The following IL1RAPL2 variants were observed in gnomAD, a reference collection of about 807,000 sequenced individuals.
The protein encoded by IL1RAPL2 is X-linked interleukin-1 receptor accessory protein-like 2.
IL1RAPL2 carries 3 observed loss-of-function variants against 44.1 expected under a neutral mutation model. The ratio of observed to expected loss-of-function variants is 0.07; its 90% CI spans 0.03 to 0.18. The LOEUF is 0.18. Among genes scored for constraint, IL1RAPL2 ranks in the 10% least tolerant of loss-of-function variants. The pLI is 1.00. For synonymous variants in IL1RAPL2, 181 were observed against 178.8 expected, an observed-to-expected ratio of 1.01 and a Z score of -0.10; for missense variants, 391 against 496.4, an observed-to-expected ratio of 0.79 and a Z score of 2.02.
chrX:104,670,553 C>T (rs1452824288), intron 2 of IL1RAPL2, among the ~76,000 whole-genome samples: 3 of 105,696 alleles, frequency 2.8e-5, no homozygotes, highest in African/African-American at 1.0e-4. Flanking sequence ...CAAGTTGATA[C>T]CTAATATTAA....
intron 2 of IL1RAPL2, among the ~76,000 whole-genome samples, chrX:105,063,417 T>C (rs368680413): frequency 4.5e-5 from 5 of 112,143 alleles, no homozygotes; most frequent in African/African-American, 1.6e-4. Flanking sequence ...TAGTGCCTTA[T>C]TTATTTAGTT....
chrX:105,073,623 G>A (rs1314083329), intron 2 of IL1RAPL2, among the ~76,000 whole-genome samples: 2 of 111,276 alleles, frequency 1.8e-5, no homozygotes, highest in African/African-American at 6.5e-5. Context: ...TCACCACACC[G>A]ACTTCCACAA....
intron 1 of IL1RAPL2, among the ~76,000 whole-genome samples, chrX:104,591,178 TCTG>T (rs1321677768): frequency 8.9e-6 from 1 of 111,839 alleles, no homozygotes; most frequent in East Asian, 2.8e-4. Flanking sequence ...GCCTGGTTGA[TCTG>T]CTTCCTTTCG....
intron 6 of IL1RAPL2, among the ~76,000 whole-genome samples, chrX:105,517,564 A>G: frequency 9.0e-6 from 1 of 111,228 alleles, no homozygotes; most frequent in Non-Finnish European, 1.9e-5. Flanking sequence ...CTATTAGGAC[A>G]CCTTTTCTAC....
chrX:104,757,853 A>G (rs1932365716), intron 2 of IL1RAPL2, among the ~76,000 whole-genome samples: 1 of 112,017 alleles, frequency 8.9e-6, no homozygotes, highest in Non-Finnish European at 1.9e-5. Context: ...AAAATAAAAC[A>G]TTTGTTTGTG....
chrX:104,833,719 T>C (rs1049417102), intron 2 of IL1RAPL2, among the ~76,000 whole-genome samples: 2 of 111,819 alleles, frequency 1.8e-5, no homozygotes, highest in Non-Finnish European at 3.8e-5. Flanking sequence ...GCATAAAGAC[T>C]TCTGTTACTA....
intron 5 of IL1RAPL2, among the ~76,000 whole-genome samples, chrX:105,370,312 A>C (rs1335452772): frequency 1.8e-5 from 2 of 111,460 alleles, no homozygotes; most frequent in African/African-American, 6.5e-5. Flanking sequence ...TGTACAGATT[A>C]TTTTGTCACC....
chrX:105,296,706 G>A (rs189111140), intron 5 of IL1RAPL2, among the ~76,000 whole-genome samples: 4 of 112,464 alleles, frequency 3.6e-5, no homozygotes, highest in South Asian at 3.7e-4. Context: ...ATCAGAAGAC[G>A]TTGACACTAG....
At chrX:105,559,468 A>T (rs1186921247) in intron 6 of IL1RAPL2, among the ~76,000 whole-genome samples, 1 of 111,746 alleles carries the variant, frequency 8.9e-6, no homozygotes, top group Non-Finnish European at 1.9e-5. Context: ...TGCCAATATC[A>T]CTGTCTTCTT....
intron 6 of IL1RAPL2, among the ~76,000 whole-genome samples, chrX:105,503,042 T>A (rs758363368): frequency 9.0e-6 from 1 of 111,198 alleles, no homozygotes; most frequent in South Asian, 3.9e-4. Flanking sequence ...GGTTAAGAAC[T>A]GCACATTTTT....
intron 2 of IL1RAPL2, among the ~76,000 whole-genome samples, chrX:105,007,048 C>T (rs1431810019): frequency 9.0e-6 from 1 of 111,444 alleles, no homozygotes; most frequent in East Asian, 2.9e-4. Flanking sequence ...TAATGCCTGC[C>T]AACAACTTAT....
intron 1 of IL1RAPL2, among the ~76,000 whole-genome samples, chrX:104,578,476 C>T (rs1040162999): frequency 5.4e-5 from 6 of 111,380 alleles, no homozygotes; most frequent in South Asian, 7.7e-4. Flanking sequence ...CAGAGAGGGC[C>T]GAAGGGGGTT....
At chrX:104,697,667 T>A (rs1312007556) in intron 2 of IL1RAPL2, among the ~76,000 whole-genome samples, 1 of 110,862 alleles carries the variant, frequency 9.0e-6, no homozygotes, top group African/African-American at 3.3e-5. Context: ...TAGTCTAGGG[T>A]GAGATGCAGC....
At chrX:105,731,042 A>G (rs1425143730) in intron 7 of IL1RAPL2, among the ~76,000 whole-genome samples, 5 of 111,233 alleles carry the variant, frequency 4.5e-5, no homozygotes, top group African/African-American at 1.6e-4. Flanking sequence ...GTAGAACTAA[A>G]CAAAATAGAC....
intron 2 of IL1RAPL2, among the ~76,000 whole-genome samples, chrX:104,699,578 A>G (rs1436214348): frequency 8.9e-6 from 1 of 112,106 alleles, no homozygotes; most frequent in African/African-American, 3.2e-5. Context: ...TGTGTGGCTT[A>G]GGTCCTAACA....
In IL1RAPL2 at chrX:105,272,430, C is replaced by G. The variant is rs183920256; in HGVS notation, c.697+4889C>G. 7.6e-4 allele frequency among the ~76,000 whole-genome samples: 85 copies of G among 111,948 alleles called. 1 individual carries two copies. Among genetic ancestry groups the G allele is most frequent in the African/African-American group, 2.7e-3 (83 of 30,853 alleles). On this transcript the variant is annotated intron_variant, in intron 5 of 10. Coordinates refer to ENST00000372582, the MANE Select transcript of IL1RAPL2 (RefSeq NM_017416.2). ...TTCAGAAATACATGCTTTTATGCAGCTTTTTAGACATGAGCATTAGCTACT... is the reference window on the plus strand; with the variant it reads ...TTCAGAAATACATGCTTTTATGCAGGTTTTTAGACATGAGCATTAGCTACT...
intron 2 of IL1RAPL2, among the ~76,000 whole-genome samples, chrX:104,722,612 C>T (rs1337140007): frequency 8.9e-6 from 1 of 111,966 alleles, no homozygotes; most frequent in African/African-American, 3.2e-5. Context: ...AAGTGAGCCT[C>T]AACTTGAAAG....
intron 2 of IL1RAPL2, among the ~76,000 whole-genome samples, chrX:105,177,885 A>C (rs1415653256): frequency 1.8e-5 from 2 of 111,622 alleles, no homozygotes; most frequent in African/African-American, 6.5e-5. Context: ...TATGGGGTAC[A>C]TGTGATACTT....
intron 2 of IL1RAPL2, among the ~76,000 whole-genome samples, chrX:105,172,886 G>A (rs1235170887): frequency 9.0e-6 from 1 of 111,441 alleles, no homozygotes; most frequent in Non-Finnish European, 1.9e-5. Flanking sequence ...TATTTCACTA[G>A]GAACACCAAG....
Sources: gnomAD v4.1 joint callset for allele counts (sites outside exome capture counted in the v4.1 genomes callset) on GRCh38, gnomAD v4.1.1 for gene constraint, MANE v1.5 for transcripts, NCBI Gene and HGNC (gene_info 2026-07-23, HGNC 2026-07-21) for gene names.